RBFOX3: variants seen among roughly 807,000 people sequenced by gnomAD.
The protein encoded by RBFOX3 is RNA binding protein fox-1 homolog 3.
RBFOX3 carries 17 observed loss-of-function variants against 48.7 expected under a neutral mutation model. The observed-to-expected ratio is 0.35, with a 90% CI of 0.24 to 0.52. The LOEUF (loss-of-function observed/expected upper bound fraction) is 0.52, where lower values mean the gene tolerates loss of function less well. Among genes scored for constraint, RBFOX3 ranks in the 20% least tolerant of loss-of-function variants. RBFOX3 has a pLI of 0.94. For synonymous variants in RBFOX3, 212 were observed against 209.5 expected (o/e 1.01, Z -0.10); for missense variants, 382 against 497.5 (o/e 0.77, Z 2.21).
intron 3 of RBFOX3, among the ~76,000 whole-genome samples, chr17:79,307,446 T>A (rs1325819645): frequency 4.6e-5 from 7 of 152,234 alleles, no homozygotes; most frequent in African/African-American, 1.7e-4. Flanking sequence ...TTTATCTACT[T>A]ACCTCCCTTG....
chr17:79,567,060 C>T (rs1439156437), intron 1 of RBFOX3, among the ~76,000 whole-genome samples: 3 of 152,174 alleles, frequency 2.0e-5, no homozygotes, highest in Non-Finnish European at 4.4e-5. Flanking sequence ...AACTTCCTCC[C>T]ATCTTCCTCT....
rs1229815489 is a variant in RBFOX3 at position 79,311,424 on chromosome 17, A to G, written c.-174-3600T>C. Among the ~76,000 whole-genome samples the G allele has an allele frequency of 8.7e-6, 1 of 114,792 alleles. No homozygotes were observed. The highest frequency in any genetic ancestry group is 1.8e-5 in the Non-Finnish European group (1 of 54,616). 75.3% of individuals were successfully genotyped at this position (114,792 alleles called of 152,430 possible). Reference sequence around the variant, plus strand: ...CTCCAGCCTGGGTAAGAAGAGCGAGACTCCATCTCCAAAAAAAAAAAAAAA... The same window carrying G: ...CTCCAGCCTGGGTAAGAAGAGCGAGGCTCCATCTCCAAAAAAAAAAAAAAA... On this transcript the variant is annotated intron_variant, in intron 2 of 14. Transcript: ENST00000693108. The surrounding 1 kb of genome is among the most constrained non-coding windows in gnomAD (Gnocchi z 4.2).
chr17:79,188,636 CAG>C (rs2053886660), intron 4 of RBFOX3, among the ~76,000 whole-genome samples: 1 of 152,206 alleles, frequency 6.6e-6, no homozygotes, highest in African/African-American at 2.4e-5. Context: ...GGAATGCGCT[CAG>C]AGAAGGGGCT....
the RBFOX3 span, among the ~76,000 whole-genome samples, chr17:79,640,211 A>C: frequency 2.6e-5 from 4 of 152,228 alleles, no homozygotes; most frequent in Admixed American, 2.6e-4. Context: ...AATCCCATTC[A>C]CAATAGCAAC....
chr17:79,522,231 T>A (rs1355224501), intron 1 of RBFOX3, among the ~76,000 whole-genome samples: 1 of 152,224 alleles, frequency 6.6e-6, no homozygotes, highest in Non-Finnish European at 1.5e-5. Flanking sequence ...TTTTCTGGAA[T>A]GTTCCCTGCC....
intron 2 of RBFOX3, among the ~76,000 whole-genome samples, chr17:79,349,658 A>G (rs1479186024): frequency 1.3e-5 from 2 of 151,934 alleles, no homozygotes; most frequent in Admixed American, 6.5e-5. Flanking sequence ...ATGCCTGAAG[A>G]TGACGTCCCT....
intron 2 of RBFOX3, among the ~76,000 whole-genome samples, chr17:79,438,935 T>C (rs542903326): frequency 1.2e-4 from 19 of 152,322 alleles, no homozygotes; most frequent in African/African-American, 3.6e-4. Flanking sequence ...TGTCCATACA[T>C]GGGGCAGGAA....
rs554235489 is a variant in RBFOX3 at position 79,422,307 on chromosome 17, C to T, written c.-175+60147G>A. On this transcript the variant is annotated intron_variant, in intron 2 of 14. Coordinates refer to ENST00000693108, the MANE Select transcript of RBFOX3 (RefSeq NM_001350451.2). ...GTAAATCATCCTATGGCCTCGCTGG[C>T]AACTGTGACCAAGATGCCCAACCCC... is the stretch of plus-strand genomic sequence containing the variant. Among the ~76,000 whole-genome samples the T allele has an allele frequency of 2.6e-5, 4 of 152,174 alleles. No individual in the cohort carries two copies. The South Asian group carries it at 6.2e-4, about 24-fold the overall frequency.
At chr17:79,162,959 G>T (rs1352305543) in intron 4 of RBFOX3, among the ~76,000 whole-genome samples, 2 of 152,228 alleles carry the variant, frequency 1.3e-5, no homozygotes, top group African/African-American at 4.8e-5. Flanking sequence ...CAAAGTCACG[G>T]AGGAGACCGA....
intron 1 of RBFOX3, among the ~76,000 whole-genome samples, chr17:79,571,638 T>C (rs1196300075): frequency 6.6e-6 from 1 of 151,946 alleles, no homozygotes; most frequent in Non-Finnish European, 1.5e-5. Context: ...TCTACAGTTT[T>C]AATTAAGCTT....
At chr17:79,428,893 T>A (rs1378819564) in intron 2 of RBFOX3, among the ~76,000 whole-genome samples, 1 of 152,226 alleles carries the variant, frequency 6.6e-6, no homozygotes, top group Non-Finnish European at 1.5e-5. Flanking sequence ...ATATAGTATT[T>A]GCACAGTATA....
rs140172298 is a variant in RBFOX3, at chr17:79,367,616, C to T, written c.-174-59792G>A. Among the ~76,000 whole-genome samples the T allele has an allele frequency of 8.5e-5, 13 of 152,206 alleles. 1 individual carries two copies. The East Asian group carries it at 2.5e-3, about 29-fold the overall frequency. Reference sequence around the variant, plus strand: ...TTGCAAAAGTCAGATTTACTCCCAGCCAGTAACTTGAAAATATTTCCCCAG... The same window carrying T: ...TTGCAAAAGTCAGATTTACTCCCAGTCAGTAACTTGAAAATATTTCCCCAG... On this transcript the variant is annotated intron_variant, in intron 2 of 14. Transcript: ENST00000693108.
At chr17:79,255,215 ATGTGTGCGTGTGTGTGTGTGTGTG>A (rs1197498906) in intron 3 of RBFOX3, among the ~76,000 whole-genome samples, 2 of 128,700 alleles carry the variant, frequency 1.6e-5, no homozygotes, top group Non-Finnish European at 3.3e-5. Context: ...CTGTGGTCAC[ATGTGTGCGTGTGTGTGTGTGTGTG>A]TGTGTGTGTG....
At chr17:79,399,295 C>A (rs1344597546) in intron 2 of RBFOX3, among the ~76,000 whole-genome samples, 1 of 152,208 alleles carries the variant, frequency 6.6e-6, no homozygotes. Flanking sequence ...GCTATCCCCG[C>A]TTCACAAATG....
intron 14 of RBFOX3, among the ~76,000 whole-genome samples, chr17:79,093,791 C>CCACACACACACACACACACACA (rs60453390): frequency 1.4e-5 from 2 of 143,822 alleles, no homozygotes; most frequent in Non-Finnish European, 3.0e-5. Flanking sequence ...CAACAGCTGG[C>CCACACACACACACACACACACA]CACACACACA....
chr17:79,393,646 G>A (rs1360692071), intron 2 of RBFOX3, among the ~76,000 whole-genome samples: 1 of 151,976 alleles, frequency 6.6e-6, no homozygotes, highest in Non-Finnish European at 1.5e-5. Flanking sequence ...CATCTGAGCC[G>A]GTCATCACAC....
intron 4 of RBFOX3, among the ~76,000 whole-genome samples, chr17:79,145,459 T>A (rs1203603285): frequency 1.3e-5 from 2 of 152,212 alleles, no homozygotes; most frequent in African/African-American, 4.8e-5. Context: ...ACAGGGACTT[T>A]AAAGGCTCCT....
chr17:79,432,325 C>T (rs1186818199), intron 2 of RBFOX3, among the ~76,000 whole-genome samples: 1 of 152,194 alleles, frequency 6.6e-6, no homozygotes, highest in Admixed American at 6.5e-5. Context: ...AGTGGGGTTG[C>T]TGGGAGAGTC....
At chr17:79,285,374 T>C (rs2071621041) in intron 3 of RBFOX3, among the ~76,000 whole-genome samples, 1 of 152,226 alleles carries the variant, frequency 6.6e-6, no homozygotes, top group Non-Finnish European at 1.5e-5. Context: ...TCCATGTGGA[T>C]GCAAATGGTA....
Sources: allele counts gnomAD v4.1 joint callset (sites outside exome capture counted in the v4.1 genomes callset), GRCh38; gene constraint gnomAD v4.1.1; non-coding constraint Gnocchi (gnomAD v3.1); transcripts MANE v1.5; gene names NCBI Gene and HGNC (gene_info 2026-07-23, HGNC 2026-07-21).